ZFYVE26: variants seen among roughly 807,000 people sequenced by gnomAD.
The protein encoded by ZFYVE26 is zinc finger FYVE domain-containing protein 26.
In ZFYVE26, 181 loss-of-function variants were observed where a neutral mutation model predicts 276.5. The observed-to-expected ratio is 0.65, with a 90% confidence interval of 0.58 to 0.74. The LOEUF (loss-of-function observed/expected upper bound fraction) is 0.74, where lower values mean the gene tolerates loss of function less well. Among genes scored for constraint, ZFYVE26 ranks in the 30% least tolerant of loss-of-function variants. The probability of loss-of-function intolerance (pLI) is 0.00; values close to 1 mark genes in which losing one functional copy is unlikely to be tolerated. For missense variants in ZFYVE26, 2,821 were observed against 3,097.9 expected (o/e 0.91, Z 2.12); for synonymous variants, 1,129 against 1,203.1 (o/e 0.94, Z 1.27).
At chr14:67,744,406 ATTAT>A (rs925740776), downstream of ZFYVE26, among the ~76,000 whole-genome samples, 6 of 151,896 alleles carry the variant, frequency 4.0e-5, no homozygotes, top group African/African-American at 1.2e-4. Flanking sequence ...AAATTTATTT[ATTAT>A]TTATTTTACT....
At position 67,798,548 on chromosome 14, in the gene ZFYVE26, G is replaced by A. The variant is rs750682496; in HGVS notation, c.1714C>T (p.Leu572=). 5.0e-6 allele frequency: 8 copies of A among 1,614,020 alleles called. No homozygotes were observed. The highest frequency in any genetic ancestry group is 6.8e-6 in the Non-Finnish European group (8 of 1,180,038). The change falls in exon 11 of 42, where the codon CTG becomes TTG. Residue 572 remains leucine, a synonymous_variant. Transcript: ENST00000347230. ...GAGAAGATGTTTTCCAGAAGCTCCA[G>A]GCACAGAGAGTCAGGAATACTGCAC... ...YLCSIPDSLC[L]ELLENIFSLL... is the part of the protein sequence containing the mutation.
Position 67,762,252 on chromosome 14 carries a change from T to C in ZFYVE26, c.6320A>G (p.Gln2107Arg), listed in dbSNP as rs1340612459. 1 of 1,614,190 alleles carries C rather than the reference T, an allele frequency of 6.2e-7. No individual in the cohort carries two copies. Among genetic ancestry groups the C allele is most frequent in the Non-Finnish European group, 8.5e-7 (1 of 1,180,032 alleles). Residue 2107 changes from glutamine (Q) to arginine (R), a missense_variant, in exon 34 of 42, where the codon CAG (glutamine) becomes CGG (arginine). Coordinates refer to ENST00000347230, the MANE Select transcript of ZFYVE26 (RefSeq NM_015346.4). ...NQLNHGSRLV[Q>R]DVVEYLESTV... ...GGACTCTAGGTACTCAACCACATCC[T>C]GCACCAGCCTTGAGCCATGATTCAG...
rs1298810929 is a variant in ZFYVE26 at position 67,748,173 on chromosome 14, TACTC to T, written c.*259_*262del. 33 of 549,394 alleles carry T rather than the reference TACTC, an allele frequency of 6.0e-5. No homozygotes were observed. The highest frequency in any genetic ancestry group is 1.0e-4 in the South Asian group (5 of 47,754). 34.0% of individuals were successfully genotyped at this position (549,394 alleles called of 1,614,324 possible). A position where few individuals can be genotyped will look rare whatever the true frequency, so the allele number is the denominator to read the frequency against. On this transcript the variant is annotated 3_prime_UTR_variant, in exon 42 of 42. Coordinates refer to ENST00000347230, the MANE Select transcript of ZFYVE26 (RefSeq NM_015346.4). Reference sequence around the variant, plus strand: ...GAACATGCACACGTGTGTGCACACATACTCACTCACTCACTCTGAGGTAGAAAGA... The same window carrying T: ...GAACATGCACACGTGTGTGCACACATACTCACTCACTCTGAGGTAGAAAGA...
At chr14:67,735,973 GC>G (rs1347506370) in intron 13 of ZFYVE26, among the ~76,000 whole-genome samples, 5 of 152,174 alleles carry the variant, frequency 3.3e-5, no homozygotes, top group African/African-American at 1.2e-4. Context: ...ATACAATGTT[GC>G]CATGCGTCCC....
intron 26 of ZFYVE26, 34 bp downstream of exon 26, chr14:67,775,826 A>C: frequency 6.2e-7 from 1 of 1,613,880 alleles, no homozygotes; most frequent in Non-Finnish European, 8.5e-7. Flanking sequence ...TTCTTCCTCC[A>C]TGTAGAATCC....
intron 26 of ZFYVE26, 44 bp from the exon 27 acceptor site, chr14:67,775,158 G>T: frequency 7.3e-7 from 1 of 1,361,230 alleles, no homozygotes; most frequent in Non-Finnish European, 1.0e-6. Flanking sequence ...TCTACCATAA[G>T]TATCTTGATT....
rs1254489438 is a variant in ZFYVE26 at position 67,802,211 on chromosome 14, C to G, written c.1507G>C (p.Ala503Pro). 1 of 1,614,068 alleles carries G rather than the reference C, an allele frequency of 6.2e-7. No homozygotes were observed. Among genetic ancestry groups the G allele is most frequent in the Non-Finnish European group, 8.5e-7 (1 of 1,180,042 alleles). Residue 503 changes from alanine (A) to proline (P), a missense_variant, in exon 10 of 42, where the codon GCC (alanine) becomes CCC (proline). Ala to Pro is a conservative substitution (Grantham distance 27, BLOSUM62 -1). Transcript: ENST00000347230. ...QNLTLYQGFCAMKYAIYALCV... is the reference protein window; with the variant it reads ...QNLTLYQGFCPMKYAIYALCV... Reference sequence around the variant, plus strand: ...AGGGCATAGATGGCATACTTCATGGCACAGAAGCCCTGGTAGAGTGTCAGG... The same window carrying G: ...AGGGCATAGATGGCATACTTCATGGGACAGAAGCCCTGGTAGAGTGTCAGG...
At position 67,807,891 on chromosome 14, in the gene ZFYVE26, T is replaced by G. The variant is rs763513526; in HGVS notation, c.393A>C (p.Ala131=). The G allele has an allele frequency of 6.2e-6, 10 of 1,614,020 alleles. No individual in the cohort carries two copies. In the East Asian group the frequency reaches 1.3e-4, roughly 22 times the overall value. The part of the protein sequence containing the change: ...EELYETLTQG[A]VGHVPDGNPR... ...GATTTCCGTCAGGCACGTGGCCTAC[T>G]GCACCCTGTGTTAAGGTCTCATACA... The change falls in exon 5 of 42, where the codon GCA becomes GCC. Residue 131 remains alanine, a synonymous_variant. Transcript: ENST00000347230.
At chr14:67,797,425 C>A (rs2039976510) in intron 12 of ZFYVE26, 2 of 546,820 alleles carry the variant, frequency 3.7e-6, no homozygotes, top group African/African-American at 1.9e-5. Context: ...AAAAAGCAAG[C>A]TGCAGTTCTC....
intron 10 of ZFYVE26, chr14:67,799,050 G>GAGCA: frequency 8.4e-7 from 1 of 1,185,086 alleles, no homozygotes; most frequent in Non-Finnish European, 1.3e-6. Flanking sequence ...AAAGAACAGA[G>GAGCA]AGCAGTGTAC....
chr14:67,798,171 A>G lies in ZFYVE26; in HGVS notation c.2091T>C (p.Asp697=), dbSNP rs2140242793. ...CAGGAGGGCTGCGGCTACTGATCTCATCCAGTTGCTCTTGGAGAAGCCTGA... is the reference window on the plus strand; with the variant it reads ...CAGGAGGGCTGCGGCTACTGATCTCGTCCAGTTGCTCTTGGAGAAGCCTGA... The part of the protein sequence containing the change: ...AFLRLLQEQL[D]EISSRSPPEK... Residue 697 remains aspartate (D), a synonymous_variant, in exon 11 of 42, where the codon GAT becomes GAC. Transcript: ENST00000347230. 2 of 1,613,258 alleles carry G rather than the reference A, an allele frequency of 1.2e-6. No homozygotes were observed. The highest frequency in any genetic ancestry group is 1.7e-6 in the Non-Finnish European group (2 of 1,179,284).
At chr14:67,755,839 C>T in intron 36 of ZFYVE26, 109 bp downstream of exon 36, 1 of 1,369,734 alleles carries the variant, frequency 7.3e-7, no homozygotes. Flanking sequence ...GTCAGCCAAA[C>T]AGCAAGGCCA....
chr14:67,796,689 C>T (rs552812838), intron 12 of ZFYVE26: 2 of 152,234 alleles, frequency 1.3e-5, no homozygotes, highest in South Asian at 2.1e-4. Context: ...CGGTGACTCA[C>T]GCCTGTAATT....
chr14:67,793,235 C>G (rs2039866553), intron 14 of ZFYVE26, among the ~76,000 whole-genome samples: 1 of 151,518 alleles, frequency 6.6e-6, no homozygotes, highest in African/African-American at 2.4e-5. Flanking sequence ...CCAGCCTGGG[C>G]AACAGAGCAA....
chr14:67,789,262 G>A (rs903123928), intron 16 of ZFYVE26, 73 bp downstream of exon 16: 1 of 1,602,642 alleles, frequency 6.2e-7, no homozygotes, highest in South Asian at 1.1e-5. Context: ...TTTCTTCCTG[G>A]ACAATTTATC....
chr14:67,813,790 T>A (rs1381802035), intron 3 of ZFYVE26, among the ~76,000 whole-genome samples, 196 bp downstream of exon 3: 1 of 152,226 alleles, frequency 6.6e-6, no homozygotes, highest in African/African-American at 2.4e-5. Context: ...AACAGTAATA[T>A]ATGCCAATGT....
At chr14:67,770,546 G>A (rs1174959829) in intron 28 of ZFYVE26, 1 of 151,328 alleles carries the variant, frequency 6.6e-6, no homozygotes, top group African/African-American at 2.4e-5. Flanking sequence ...ATTTGTATCA[G>A]TCAATTCAGA....
At chr14:67,775,580 T>C (rs1043799494) in intron 26 of ZFYVE26, among the ~76,000 whole-genome samples, 1 of 152,202 alleles carries the variant, frequency 6.6e-6, no homozygotes, top group Admixed American at 6.5e-5. Flanking sequence ...GCCCGCTATA[T>C]CAAGGCCAGA....
chr14:67,770,142 G>T, intron 28 of ZFYVE26: 1 of 285,902 alleles, frequency 3.5e-6, no homozygotes, highest in Non-Finnish European at 6.8e-6. Context: ...TTTAGCAGGT[G>T]CCATTTGTAA....
Sources: allele counts gnomAD v4.1 joint callset (sites outside exome capture counted in the v4.1 genomes callset), GRCh38; gene constraint gnomAD v4.1.1; transcripts MANE v1.5; gene names NCBI Gene and HGNC (gene_info 2026-07-23, HGNC 2026-07-21).